Variants in FAM186B observed in about 807,000 individuals in gnomAD.
FAM186B encodes the protein family with sequence similarity 186 member B.
In FAM186B, 68 loss-of-function variants were observed where a neutral mutation model predicts 83.4. The ratio of observed to expected loss-of-function variants is 0.81; its 90% CI spans 0.67 to 1.00. FAM186B has a LOEUF of 1.00. Among genes scored for constraint, FAM186B ranks in the 50% least tolerant of loss-of-function variants. The probability of loss-of-function intolerance (pLI) is 0.00; values close to 1 mark genes in which losing one functional copy is unlikely to be tolerated. For synonymous variants in FAM186B, 389 were observed against 422.0 expected (o/e 0.92, Z 0.96); for missense variants, 983 against 1,099.2 (o/e 0.89, Z 1.49).
intron 5 of FAM186B, chr12:49,595,632 G>A (rs777986298): frequency 2.4e-6 from 1 of 416,986 alleles, no homozygotes; most frequent in Non-Finnish European, 4.8e-6. Flanking sequence ...AATTGTTGAA[G>A]CCCTGAGCAG....
downstream of FAM186B, chr12:49,583,384 T>A (rs1221308541): frequency 3.7e-6 from 1 of 271,578 alleles, no homozygotes; most frequent in Non-Finnish European, 7.3e-6. Flanking sequence ...GCTTTCTAAT[T>A]ATTTAGAGCG....
At chr12:49,595,446 T>C (rs571144549) in intron 5 of FAM186B, 3 of 496,348 alleles carry the variant, frequency 6.0e-6, no homozygotes, top group South Asian at 1.6e-5. Flanking sequence ...GTGCAGGTCC[T>C]ACTGCTCTGA....
downstream of FAM186B, among the ~76,000 whole-genome samples, chr12:49,585,985 A>T (rs979326087): frequency 6.6e-6 from 1 of 152,192 alleles, no homozygotes; most frequent in African/African-American, 2.4e-5. Context: ...CAATGCAGGG[A>T]GCCCCCACAC....
the FAM186B span, among the ~76,000 whole-genome samples, chr12:49,611,586 C>T: frequency 1.7e-4 from 23 of 137,580 alleles, no homozygotes; most frequent in African/African-American, 3.0e-4. Flanking sequence ...GTAGGCCGGG[C>T]GCAGTGGCTC....
chr12:49,583,099 G>C, downstream of FAM186B: 1 of 456,198 alleles, frequency 2.2e-6, no homozygotes, highest in Non-Finnish European at 4.4e-6. Context: ...CTTAAGCACA[G>C]TGCCAAGAGC....
chr12:49,619,233 G>A, the FAM186B span: 2 of 211,776 alleles, frequency 9.4e-6, no homozygotes, highest in Non-Finnish European at 1.8e-5. Context: ...AAAAGCGGGA[G>A]TATTATAAAT....
downstream of FAM186B, chr12:49,583,902 G>C (rs1225748651): frequency 1.3e-5 from 2 of 154,254 alleles, no homozygotes; most frequent in African/African-American, 4.8e-5. Context: ...AACCGAATTA[G>C]TGTCTTAACT....
chr12:49,584,361 G>A, downstream of FAM186B: 1 of 623,060 alleles, frequency 1.6e-6, no homozygotes, highest in South Asian at 1.9e-5. Context: ...AAAGTTCTAG[G>A]AGTACTCAGC....
At chr12:49,601,914 T>C (rs766181103) in intron 3 of FAM186B, among the ~76,000 whole-genome samples, 2 of 152,132 alleles carry the variant, frequency 1.3e-5, no homozygotes, top group Non-Finnish European at 2.9e-5. Flanking sequence ...AGAGGAAATA[T>C]AAAAATTAAG....
intron 1 of FAM186B, 26 bp downstream of exon 1, chr12:49,605,356 A>T: frequency 6.2e-7 from 1 of 1,603,282 alleles, no homozygotes. Context: ...CCAATGTAAG[A>T]GTGATTCCTT....
the FAM186B span, among the ~76,000 whole-genome samples, chr12:49,622,189 C>A: frequency 6.6e-6 from 1 of 152,196 alleles, no homozygotes; most frequent in Non-Finnish European, 1.5e-5. Flanking sequence ...GAGAGGCCGC[C>A]GGTGGTCCGT....
chr12:49,588,672 C>G (rs777623203), intron 5 of FAM186B, 49 bp from the exon 6 acceptor site: 1 of 1,524,068 alleles, frequency 6.6e-7, no homozygotes, highest in South Asian at 1.3e-5. Flanking sequence ...GTTATCTCCT[C>G]TCTAGGTCGT....
In FAM186B at chr12:49,588,639, G is replaced by C. The variant is rs531081568; in HGVS notation, c.2365-16C>G. ...CCAGCTGGAGCTAGAGGAACCAGCA[G>C]AGAGGCATCAGGGAAACAGGAAGTT... On this transcript the variant is annotated splice_polypyrimidine_tract_variant and intron_variant, in intron 5 of 6. Coordinates refer to ENST00000257894, the MANE Select transcript of FAM186B (RefSeq NM_032130.3). 18 of 1,552,368 alleles carry C rather than the reference G, an allele frequency of 1.2e-5. No individual in the cohort carries two copies. In the South Asian group the frequency reaches 2.2e-4, roughly 19 times the overall value.
At chr12:49,616,747 A>G in the FAM186B span, among the ~76,000 whole-genome samples, 2 of 152,216 alleles carry the variant, frequency 1.3e-5, no homozygotes, top group African/African-American at 4.8e-5. Context: ...AAAGGGCACA[A>G]AGGTTTTTGA....
intron 2 of FAM186B, chr12:49,604,074 A>C (rs1939955935): frequency 1.9e-6 from 1 of 534,990 alleles, no homozygotes. Context: ...TCTATCCTGC[A>C]CAAAAATGAG....
Position 49,600,905 on chromosome 12 carries a change from C to T in FAM186B, c.735G>A (p.Lys245=). The change falls in exon 4 of 7, where the codon AAG becomes AAA. Residue 245 remains lysine, a synonymous_variant. Coordinates refer to ENST00000257894, the MANE Select transcript of FAM186B (RefSeq NM_032130.3). The surrounding 1 kb of genome is among the most constrained non-coding windows in gnomAD (Gnocchi z 4.3). ...YMATVVENLN[K]ALILQHKENR... is the part of the protein sequence containing the mutation. ...TCTCCTTGTGTTGGAGGATCAAGGC[C>T]TTGTTGAGGTTCTCCACCACAGTGG... 1 of 1,614,156 alleles carries T rather than the reference C, an allele frequency of 6.2e-7. No individual in the cohort carries two copies. The highest frequency in any genetic ancestry group is 1.7e-5 in the Admixed American group (1 of 60,024).
intron 5 of FAM186B, chr12:49,595,582 T>C (rs1939697557): frequency 4.5e-6 from 2 of 440,958 alleles, no homozygotes; most frequent in Admixed American, 2.5e-5. Flanking sequence ...GAAATTCTTA[T>C]AAGCCCAGGG....
At chr12:49,587,807 A>G (rs1484629194) in intron 6 of FAM186B, 55 bp from the exon 7 acceptor site, 3 of 1,564,930 alleles carry the variant, frequency 1.9e-6, no homozygotes, top group Non-Finnish European at 2.6e-6. Flanking sequence ...ATTGAGATGC[A>G]AGAGACTCTC....
chr12:49,586,702 A>G (rs902328074), downstream of FAM186B, among the ~76,000 whole-genome samples: 11 of 152,228 alleles, frequency 7.2e-5, no homozygotes, highest in African/African-American at 2.4e-4. Context: ...CAACAGCAAC[A>G]CACATGCACA....
Sources: allele counts gnomAD v4.1 joint callset (sites outside exome capture counted in the v4.1 genomes callset), GRCh38; gene constraint gnomAD v4.1.1; non-coding constraint Gnocchi (gnomAD v3.1); transcripts MANE v1.5; gene names NCBI Gene and HGNC (gene_info 2026-07-23, HGNC 2026-07-21).